Variants in RAB10 observed in about 807,000 individuals in gnomAD.
RAB10 encodes ras-related protein Rab-10.
RAB10 carries 5 observed loss-of-function variants against 25.7 expected under a neutral mutation model. The observed-to-expected ratio is 0.19, with a 90% CI of 0.10 to 0.41. The LOEUF (loss-of-function observed/expected upper bound fraction) is 0.41, where lower values mean the gene tolerates loss of function less well. Ranked by LOEUF, RAB10 falls within the 10% of genes least tolerant of loss-of-function variation. RAB10 has a pLI of 1.00. For synonymous variants in RAB10, 89 were observed against 86.4 expected, an observed-to-expected ratio of 1.03 and a Z score of -0.16; for missense variants, 103 against 245.8, an observed-to-expected ratio of 0.42 and a Z score of 3.89.
At chr2:26,116,515 A>AGACTGTATT (rs1337440543) in intron 3 of RAB10, among the ~76,000 whole-genome samples, 1 of 145,890 alleles carries the variant, frequency 6.9e-6, no homozygotes, top group African/African-American at 2.5e-5. Flanking sequence ...TTCCCCATGG[A>AGACTGTATT]GACTGTATTT....
intron 1 of RAB10, among the ~76,000 whole-genome samples, chr2:26,061,635 C>T (rs1456474293): frequency 1.3e-5 from 2 of 152,098 alleles, no homozygotes; most frequent in Non-Finnish European, 2.9e-5. Context: ...CATTAATCCT[C>T]CTGCCTTGGC....
intron 2 of RAB10, chr2:26,101,967 G>A (rs1667350067): frequency 6.6e-6 from 1 of 152,236 alleles, no homozygotes; most frequent in African/African-American, 2.4e-5. Flanking sequence ...TCATGTCTTT[G>A]ATCAGGTAAC....
intron 1 of RAB10, among the ~76,000 whole-genome samples, chr2:26,075,367 C>T (rs538669148): frequency 7.9e-5 from 12 of 151,928 alleles, no homozygotes; most frequent in South Asian, 2.1e-4. Context: ...ATGTATTGCC[C>T]GATACTGTTT....
In RAB10 at chr2:26,137,215, AT is replaced by A. The variant is rs1413572255; in HGVS notation, c.*2199del. On this transcript the variant is annotated 3_prime_UTR_variant, in exon 6 of 6. Coordinates refer to ENST00000264710, the MANE Select transcript of RAB10 (RefSeq NM_016131.5). ...AAAAAGGGAAATGAAGTATAAATCAATTTTTGTATAATCTGTTTGAAACATG... is the reference window on the plus strand; with the variant it reads ...AAAAAGGGAAATGAAGTATAAATCAATTTTGTATAATCTGTTTGAAACATG... 5 of 152,680 alleles carry A rather than the reference AT, an allele frequency of 3.3e-5. No homozygotes were observed. The highest frequency in any genetic ancestry group is 5.9e-5 in the Non-Finnish European group (4 of 68,032). 9.5% of individuals were successfully genotyped at this position (152,680 alleles called of 1,614,324 possible).
At chr2:26,106,870 G>T (rs1667473117) in intron 2 of RAB10, among the ~76,000 whole-genome samples, 1 of 151,932 alleles carries the variant, frequency 6.6e-6, no homozygotes, top group Non-Finnish European at 1.5e-5. Context: ...GGGCGACAGA[G>T]CAAGACTCTG....
At chr2:26,103,995 C>T (rs1203092700) in intron 2 of RAB10, among the ~76,000 whole-genome samples, 2 of 151,828 alleles carry the variant, frequency 1.3e-5, no homozygotes, top group Non-Finnish European at 2.9e-5. Flanking sequence ...TAGTAATGGA[C>T]CTTTCAGTTG....
chr2:26,129,248 G>C (rs1667964680), intron 5 of RAB10, among the ~76,000 whole-genome samples: 1 of 132,240 alleles, frequency 7.6e-6, no homozygotes, highest in African/African-American at 3.1e-5. Flanking sequence ...CCAGCTTGGG[G>C]ACAGACCAAG....
At chr2:26,065,468 A>G (rs138599081) in intron 1 of RAB10, among the ~76,000 whole-genome samples, 228 of 148,172 alleles carry the variant, frequency 1.5e-3, no homozygotes, top group African/African-American at 5.2e-3. Context: ...TTCAACAACT[A>G]CAGTTTGCCA....
chr2:26,079,249 T>G (rs1237215905), intron 1 of RAB10, among the ~76,000 whole-genome samples: 1 of 152,032 alleles, frequency 6.6e-6, no homozygotes, highest in African/African-American at 2.4e-5. Flanking sequence ...CATACATGTA[T>G]TTTATTCTAG....
intron 1 of RAB10, among the ~76,000 whole-genome samples, chr2:26,091,733 A>G (rs755409919): frequency 4.6e-5 from 7 of 152,182 alleles, no homozygotes; most frequent in Non-Finnish European, 8.8e-5. Flanking sequence ...GCGTCAAGAT[A>G]GAAAAGAGAA....
chr2:26,058,983 A>G (rs1429666223), intron 1 of RAB10, among the ~76,000 whole-genome samples: 7 of 152,212 alleles, frequency 4.6e-5, no homozygotes, highest in East Asian at 1.9e-4. Context: ...GCTCACCTCT[A>G]TATCTCCCTA....
chr2:26,054,057 T>C (rs904908504), intron 1 of RAB10, among the ~76,000 whole-genome samples: 1 of 141,106 alleles, frequency 7.1e-6, no homozygotes, highest in Non-Finnish European at 1.5e-5. Context: ...TTTTTTTTCC[T>C]GTTTTTTTGA....
intron 2 of RAB10, among the ~76,000 whole-genome samples, chr2:26,099,789 G>A (rs553733241): frequency 2.0e-5 from 3 of 152,070 alleles, no homozygotes; most frequent in East Asian, 3.9e-4. Flanking sequence ...TGATCCGCCC[G>A]CCTTGGCCTC....
chr2:26,112,079 G>A (rs533829516), intron 3 of RAB10, among the ~76,000 whole-genome samples: 2 of 152,188 alleles, frequency 1.3e-5, no homozygotes, highest in South Asian at 2.1e-4. Flanking sequence ...AGAGGCATAT[G>A]TGGGGAGTAG....
chr2:26,061,956 A>T (rs1666408868), intron 1 of RAB10, among the ~76,000 whole-genome samples: 1 of 152,116 alleles, frequency 6.6e-6, no homozygotes, highest in Non-Finnish European at 1.5e-5. Flanking sequence ...TATGCTTTTA[A>T]AGGAACCTGC....
intron 1 of RAB10, among the ~76,000 whole-genome samples, chr2:26,077,986 AT>A (rs991507160): frequency 1.3e-5 from 2 of 152,196 alleles, no homozygotes; most frequent in African/African-American, 2.4e-5. Flanking sequence ...CTAAAAAAAA[AT>A]AAATAAAAAA....
chr2:26,071,518 T>C (rs188281718), intron 1 of RAB10, among the ~76,000 whole-genome samples: 3 of 152,194 alleles, frequency 2.0e-5, no homozygotes, highest in Admixed American at 6.5e-5. Flanking sequence ...TGAAACCCCA[T>C]CTCTACTAAA....
chr2:26,055,770 C>T (rs1666249314), intron 1 of RAB10, among the ~76,000 whole-genome samples: 1 of 152,000 alleles, frequency 6.6e-6, no homozygotes, highest in Non-Finnish European at 1.5e-5. Flanking sequence ...AGTGATCCAC[C>T]TGCCTTGGCC....
At chr2:26,081,987 G>GA (rs1666880000) in intron 1 of RAB10, among the ~76,000 whole-genome samples, 1 of 152,058 alleles carries the variant, frequency 6.6e-6, no homozygotes. Flanking sequence ...GATGGAAATC[G>GA]AAACTTACAC....
Sources: allele counts gnomAD v4.1 joint callset (sites outside exome capture counted in the v4.1 genomes callset), GRCh38; gene constraint gnomAD v4.1.1; transcripts MANE v1.5; gene names NCBI Gene and HGNC (gene_info 2026-07-23, HGNC 2026-07-21).